The following SMYD3 variants were observed in gnomAD, a reference collection of about 807,000 sequenced individuals.
SMYD3 encodes SET and MYND domain containing 3.
SMYD3 carries 36 observed loss-of-function variants against 57.7 expected under a neutral mutation model. The observed-to-expected ratio is 0.62, with a 90% CI of 0.48 to 0.82. The LOEUF is 0.82. SMYD3 is among the 40% of genes least tolerant of loss of function. SMYD3 has a pLI of 0.00. For missense variants in SMYD3, 515 were observed against 538.8 expected, an observed-to-expected ratio of 0.96 and a Z score of 0.44; for synonymous variants, 211 against 195.0, an observed-to-expected ratio of 1.08 and a Z score of -0.68.
At chr1:246,092,332 G>A (rs1389605185) in intron 5 of SMYD3, among the ~76,000 whole-genome samples, 3 of 152,236 alleles carry the variant, frequency 2.0e-5, no homozygotes, top group South Asian at 4.1e-4. Context: ...GAAACCACAG[G>A]AGAACTAGAA....
chr1:246,476,481 A>G (rs1339589055), intron 1 of SMYD3, among the ~76,000 whole-genome samples: 1 of 152,188 alleles, frequency 6.6e-6, no homozygotes, highest in Non-Finnish European at 1.5e-5. Flanking sequence ...ATTTAGTTAC[A>G]CTGATGCTGC....
intron 5 of SMYD3, among the ~76,000 whole-genome samples, chr1:245,985,018 T>A (rs2058674639): frequency 6.6e-6 from 1 of 152,144 alleles, no homozygotes; most frequent in South Asian, 2.1e-4. Context: ...CTTAAGTCCC[T>A]GTTTGACTCT....
intron 8 of SMYD3, among the ~76,000 whole-genome samples, chr1:245,914,587 G>T (rs1481465230): frequency 2.0e-5 from 3 of 152,220 alleles, no homozygotes; most frequent in Non-Finnish European, 4.4e-5. Context: ...CATGGAAGTA[G>T]AGAGCAGAAC....
chr1:245,790,845 C>T (rs757878841), intron 10 of SMYD3, among the ~76,000 whole-genome samples: 4 of 152,188 alleles, frequency 2.6e-5, no homozygotes, highest in African/African-American at 9.7e-5. Context: ...AATCATCAGG[C>T]TCATTCATTT....
chr1:246,193,755 A>T (rs1329348261), intron 5 of SMYD3: 2 of 152,234 alleles, frequency 1.3e-5, no homozygotes, highest in African/African-American at 4.8e-5. Context: ...CTTCCTGTAG[A>T]TCTACAATCA....
intron 5 of SMYD3, among the ~76,000 whole-genome samples, chr1:245,938,436 C>G (rs895569644): frequency 6.6e-6 from 1 of 152,054 alleles, no homozygotes; most frequent in African/African-American, 2.4e-5. Context: ...ACAGATCAGA[C>G]GAGAGAGAGT....
At chr1:245,789,808 G>C (rs2047191788) in intron 10 of SMYD3, among the ~76,000 whole-genome samples, 1 of 152,186 alleles carries the variant, frequency 6.6e-6, no homozygotes, top group Non-Finnish European at 1.5e-5. Flanking sequence ...CTTTCTAGCT[G>C]GCAATTATAG....
intron 5 of SMYD3, among the ~76,000 whole-genome samples, chr1:246,072,627 G>A (rs1417741549): frequency 4.6e-5 from 7 of 152,138 alleles, no homozygotes; most frequent in Admixed American, 3.9e-4. Flanking sequence ...CTAGTAACTT[G>A]GTAAAGCATT....
intron 5 of SMYD3, among the ~76,000 whole-genome samples, chr1:246,218,386 G>A (rs543667647): frequency 3.9e-5 from 6 of 152,122 alleles, no homozygotes; most frequent in Non-Finnish European, 8.8e-5. Flanking sequence ...CACTTTGGGA[G>A]GCCGAGGCAG....
chr1:246,041,078 A>C (rs12048404), intron 5 of SMYD3, among the ~76,000 whole-genome samples: 51,810 of 152,008 alleles, frequency 0.34, 10,092 homozygotes, highest in East Asian at 0.8. Context: ...CAAATACTTA[A>C]CCTTGTGTTA....
chr1:245,939,113 A>T (rs1416811200), intron 5 of SMYD3, among the ~76,000 whole-genome samples: 1 of 152,048 alleles, frequency 6.6e-6, no homozygotes, highest in East Asian at 1.9e-4. Context: ...ACTGCACTCC[A>T]GCCTCGGCGA....
chr1:245,885,867 A>G (rs1055863787), intron 8 of SMYD3, among the ~76,000 whole-genome samples: 4 of 152,222 alleles, frequency 2.6e-5, no homozygotes, highest in Non-Finnish European at 4.4e-5. Flanking sequence ...TATTCATTTA[A>G]TATGATGTCA....
intron 5 of SMYD3, among the ~76,000 whole-genome samples, chr1:245,995,949 A>G (rs1368946660): frequency 6.6e-6 from 1 of 152,256 alleles, no homozygotes; most frequent in South Asian, 2.1e-4. Flanking sequence ...CAGTGGAAAG[A>G]CAATCAGCCA....
At chr1:245,763,520 G>C (rs1268147966) in intron 11 of SMYD3, among the ~76,000 whole-genome samples, 2 of 152,180 alleles carry the variant, frequency 1.3e-5, no homozygotes. Context: ...GAAGATGGAG[G>C]AGTGAGAAGT....
chr1:246,035,774 GA>G (rs1186364000), intron 5 of SMYD3, among the ~76,000 whole-genome samples: 1 of 151,738 alleles, frequency 6.6e-6, no homozygotes, highest in Non-Finnish European at 1.5e-5. Context: ...ATCTTGCCCA[GA>G]AAAAAAATAA....
intron 2 of SMYD3, among the ~76,000 whole-genome samples, chr1:246,338,140 C>T (rs1171626858): frequency 6.6e-6 from 1 of 152,126 alleles, no homozygotes; most frequent in Non-Finnish European, 1.5e-5. Context: ...AGCAATCATA[C>T]CACTTAAAAT....
intron 10 of SMYD3, among the ~76,000 whole-genome samples, chr1:245,775,508 A>C (rs893841703): frequency 6.6e-6 from 1 of 150,906 alleles, no homozygotes; most frequent in Non-Finnish European, 1.5e-5. Flanking sequence ...AGATGCTTGA[A>C]GGCAGCAGGC....
At chr1:245,908,402 G>A (rs12083717) in intron 8 of SMYD3, among the ~76,000 whole-genome samples, 29,307 of 152,136 alleles carry the variant, frequency 0.19, 5,972 homozygotes, top group African/African-American at 0.52. Flanking sequence ...TACACTAATA[G>A]TTGGGGACTT....
chr1:245,994,678 T>C (rs2058887395), intron 5 of SMYD3, among the ~76,000 whole-genome samples: 1 of 152,230 alleles, frequency 6.6e-6, no homozygotes, highest in African/African-American at 2.4e-5. Flanking sequence ...TGACTTTTTA[T>C]GCCTTAGTTA....
Sources: gnomAD v4.1 joint callset for allele counts (sites outside exome capture counted in the v4.1 genomes callset) on GRCh38, gnomAD v4.1.1 for gene constraint, MANE v1.5 for transcripts, NCBI Gene and HGNC (gene_info 2026-07-23, HGNC 2026-07-21) for gene names.